PRAMEF19: variants seen among roughly 807,000 people sequenced by gnomAD.
The protein encoded by PRAMEF19 is PRAME family member-like.
PRAMEF19 carries 21 observed loss-of-function variants against 33.1 expected under a neutral mutation model. The observed-to-expected ratio is 0.63, with a 90% CI of 0.45 to 0.91. PRAMEF19 has a LOEUF of 0.91. PRAMEF19 is among the 40% of genes least tolerant of loss of function. PRAMEF19 has a pLI of 0.00. For synonymous variants in PRAMEF19, 179 were observed against 229.3 expected (o/e 0.78, Z 1.98); for missense variants, 481 against 585.2 (o/e 0.82, Z 1.84).
At chr1:13,371,886 G>C in exon 1 of PRAMEF19, 1 of 1,611,890 alleles carries the variant, frequency 6.2e-7, no homozygotes, top group Non-Finnish European at 8.5e-7. Context: ...GTCTGCGTGG[G>C]GCCTGGAAGC....
At chr1:13,370,713 A>T (rs1424627561) in exon 2 of PRAMEF19, 81,341 of 1,606,744 alleles carry the variant, frequency 0.051, 3,466 homozygotes, top group East Asian at 0.26. Flanking sequence ...ATCTGGAGGT[A>T]CTCCAGCCTG....
At chr1:13,369,385 G>C in exon 3 of PRAMEF19, 2 of 1,612,460 alleles carry the variant, frequency 1.2e-6, no homozygotes, top group South Asian at 2.2e-5. Flanking sequence ...TGGAGCAGCG[G>C]CTCAGGGCAG....
chr1:13,370,845 C>A (rs1640662787), exon 2 of PRAMEF19: 3 of 1,613,892 alleles, frequency 1.9e-6, no homozygotes, highest in South Asian at 1.1e-5. Context: ...TAACGGCTAA[C>A]CTCTGCTACC....
exon 2 of PRAMEF19, chr1:13,370,841 C>A: frequency 1.9e-6 from 3 of 1,613,968 alleles, no homozygotes; most frequent in Admixed American, 1.7e-5. Context: ...CAGGTAACGG[C>A]TAACCTCTGC....
downstream of PRAMEF19, chr1:13,369,046 GC>G: frequency 1.2e-6 from 2 of 1,611,928 alleles, no homozygotes; most frequent in Non-Finnish European, 1.7e-6. Context: ...TGGAGAAAAA[GC>G]TTTTTATACC....
chr1:13,370,989 G>A (rs1225656816), exon 2 of PRAMEF19: 23 of 1,611,936 alleles, frequency 1.4e-5, no homozygotes, highest in African/African-American at 8.0e-5. Flanking sequence ...TGTACTGAAC[G>A]TCTTCTGTGC....
chr1:13,370,769 A>G (rs1293049888), exon 2 of PRAMEF19: 64,403 of 1,613,286 alleles, frequency 0.04, 1,509 homozygotes, highest in Non-Finnish European at 0.044. Flanking sequence ...TTGGCTCTCA[A>G]AGCTTGGCAG....
chr1:13,369,728 C>T lies in PRAMEF19; in HGVS notation c.867-88G>A, dbSNP rs1235111243. 7.2e-4 allele frequency: 1,123 copies of T among 1,564,010 alleles called. 1 individual carries two copies. The highest frequency in any genetic ancestry group is 6.2e-4 in the Non-Finnish European group (707 of 1,142,244). On this transcript the variant is annotated intron_variant, in intron 2 of 2. Coordinates refer to ENST00000376101, the Ensembl canonical transcript of PRAMEF19. ...AACGTCAAGGGAAGAGCCTGTTTTG[C>T]CCAAACACAAGTTTGTTCTCATCAT... is the stretch of plus-strand genomic sequence containing the variant.
At chr1:13,370,721 C>A (rs1368825869) in exon 2 of PRAMEF19, 1 of 1,613,840 alleles carries the variant, frequency 6.2e-7, no homozygotes, top group East Asian at 2.2e-5. Flanking sequence ...GTACTCCAGC[C>A]TGAGGAACAC....
At chr1:13,371,636 G>A (rs1640673941) in exon 1 of PRAMEF19, 4 of 1,610,694 alleles carry the variant, frequency 2.5e-6, no homozygotes, top group African/African-American at 2.7e-5. Context: ...TTTTGGGCAA[G>A]CAGGCAATCA....
At chr1:13,370,297 A>G (rs1209505241) in intron 2 of PRAMEF19, among the ~76,000 whole-genome samples, 7,643 of 150,220 alleles carry the variant, frequency 0.051, 75 homozygotes, top group East Asian at 0.24. Flanking sequence ...ACACTTCCTA[A>G]CAAGGAATTC....
intron 2 of PRAMEF19, among the ~76,000 whole-genome samples, chr1:13,370,117 C>T (rs1212600910): frequency 6.6e-6 from 1 of 152,260 alleles, no homozygotes; most frequent in Non-Finnish European, 1.5e-5. Context: ...AATTACCTTT[C>T]CTGGAGTTCA....
Position 13,369,527 on chromosome 1 carries a change from A to G in PRAMEF19, c.980T>C (p.Leu327Pro), listed in dbSNP as rs2100381105. 2.5e-6 allele frequency: 4 copies of G among 1,613,946 alleles called. 1 individual carries two copies. In the South Asian group the frequency reaches 4.4e-5, roughly 18 times the overall value. Residue 327 changes from leucine to proline, a missense_variant, in exon 3 of 3, where the codon CTG becomes CCG. Around this residue, in one of 3 missense-constraint regions of PRAMEF19, gnomAD observed 392 missense variants for 397.5 expected, o/e 0.99. Coordinates refer to ENST00000376101, the Ensembl canonical transcript of PRAMEF19. ...GATGAAGCGCAGTGTACCATGACTC[A>G]GATTCAGCTGCTTCAGTTGACTGAG...
downstream of PRAMEF19, among the ~76,000 whole-genome samples, chr1:13,368,800 G>A (rs1300740637): frequency 1.4e-4 from 22 of 152,010 alleles, no homozygotes; most frequent in Non-Finnish European, 2.9e-4. Flanking sequence ...CTGAAACAGA[G>A]GTTTCTCTGC....
At chr1:13,370,622 C>G in intron 2 of PRAMEF19, 27 bp downstream of exon 2, 1 of 1,613,402 alleles carries the variant, frequency 6.2e-7, no homozygotes, top group South Asian at 1.1e-5. Flanking sequence ...CTGTGTCCCC[C>G]AGAGAAAGCT....
chr1:13,370,401 C>T (rs1370671506), intron 2 of PRAMEF19, among the ~76,000 whole-genome samples: 2 of 143,690 alleles, frequency 1.4e-5, no homozygotes, highest in Admixed American at 1.3e-4. Flanking sequence ...GCTGAACCCC[C>T]CACTAACCAG....
At chr1:13,370,850 G>A (rs1333218251) in exon 2 of PRAMEF19, 84,302 of 1,613,816 alleles carry the variant, frequency 0.052, 3,430 homozygotes, top group East Asian at 0.26. Context: ...GCTAACCTCT[G>A]CTACCATACA....
At chr1:13,368,609 C>T (rs1382674379), downstream of PRAMEF19, among the ~76,000 whole-genome samples, 8 of 152,050 alleles carry the variant, frequency 5.3e-5, no homozygotes, top group African/African-American at 1.7e-4. Flanking sequence ...CCTTTACTTC[C>T]GACGTTTCTT....
Position 13,370,857 on chromosome 1 carries a change from T to C in PRAMEF19, c.658A>G (p.Met220Val), listed in dbSNP as rs1359497351. 151 of 1,613,988 alleles carry C rather than the reference T, an allele frequency of 9.4e-5. No homozygotes were observed. In the African/African-American group the frequency reaches 1.8e-3, roughly 19 times the overall value. Residue 220 changes from methionine to valine, a missense_variant, in exon 2 of 3, where the codon ATG becomes GTG. Physicochemically the swap from Met to Val is conservative, Grantham distance 21. Coordinates refer to ENST00000376101, the Ensembl canonical transcript of PRAMEF19. ...AGGTAACGGCTAACCTCTGCTACCA[T>C]ACACGGCCAGCACATGTTCCAAATT... is the stretch of plus-strand genomic sequence containing the variant.
Sources: gnomAD v4.1 joint callset for allele counts (sites outside exome capture counted in the v4.1 genomes callset) on GRCh38, gnomAD v4.1.1 for gene constraint, gnomAD v4.1.1 regional missense constraint, MANE v1.5 for transcripts, NCBI Gene and HGNC (gene_info 2026-07-23, HGNC 2026-07-21) for gene names.